Variants in TENM3 observed in about 807,000 individuals in gnomAD.
The protein encoded by TENM3 is teneurin-3.
Under a neutral mutation model 255.1 loss-of-function variants are expected in TENM3, and 63 were observed. The ratio of observed to expected loss-of-function variants is 0.25; its 90% CI spans 0.20 to 0.30. The LOEUF (loss-of-function observed/expected upper bound fraction) is 0.30, where lower values mean the gene tolerates loss of function less well. TENM3 is among the 10% of genes least tolerant of loss of function. The probability of loss-of-function intolerance (pLI) is 1.00; values close to 1 mark genes in which losing one functional copy is unlikely to be tolerated. For missense variants in TENM3, 2,929 were observed against 3,461.1 expected, an observed-to-expected ratio of 0.85 and a Z score of 3.86; for synonymous variants, 1,306 against 1,322.3, an observed-to-expected ratio of 0.99 and a Z score of 0.27.
chr4:182,415,559 T>C (rs1280407686), intron 3 of TENM3, among the ~76,000 whole-genome samples: 3 of 152,096 alleles, frequency 2.0e-5, no homozygotes, highest in African/African-American at 7.2e-5. Context: ...AGAGGGAGAC[T>C]GGGAAGGAAA....
the TENM3 span, among the ~76,000 whole-genome samples, chr4:181,644,565 T>C: frequency 6.6e-6 from 1 of 152,172 alleles, no homozygotes; most frequent in Non-Finnish European, 1.5e-5. Context: ...CAAACTGTCC[T>C]ATTCACACCT....
At chr4:181,949,372 A>T in the TENM3 span, among the ~76,000 whole-genome samples, 1 of 152,226 alleles carries the variant, frequency 6.6e-6, no homozygotes, top group African/African-American at 2.4e-5. Context: ...CTAGGGATGG[A>T]AAGAAAGAAC....
rs574160343 is a variant in TENM3, at chr4:182,766,446, C to T, written c.4893-7026C>T. 2.1e-4 allele frequency among the ~76,000 whole-genome samples: 32 copies of T among 152,238 alleles called. 1 individual carries two copies. Among genetic ancestry groups the T allele is most frequent in the East Asian group, 7.7e-4 (4 of 5,188 alleles). ...TAATGATGGCTAACCCAGAATCCTT[C>T]GAATCCCTAAGGGAACTAATTCTGG... On this transcript the variant is annotated intron_variant, in intron 22 of 27. Transcript: ENST00000511685.
chr4:182,055,405 C>T, the TENM3 span, among the ~76,000 whole-genome samples: 1 of 151,230 alleles, frequency 6.6e-6, no homozygotes, highest in Non-Finnish European at 1.5e-5. Flanking sequence ...ACATGTTCCC[C>T]TCTTGTGATA....
chr4:181,563,975 T>C, the TENM3 span, among the ~76,000 whole-genome samples: 1 of 151,758 alleles, frequency 6.6e-6, no homozygotes, highest in Non-Finnish European at 1.5e-5. Flanking sequence ...GAGAAAATAA[T>C]TGTAACTTCT....
chr4:181,500,533 G>A, the TENM3 span, among the ~76,000 whole-genome samples: 215 of 152,260 alleles, frequency 1.4e-3, no homozygotes, highest in Non-Finnish European at 1.9e-3. Context: ...TCATACAATT[G>A]AGATGCTTAC....
intron 16 of TENM3, among the ~76,000 whole-genome samples, 191 bp from the exon 17 acceptor site, chr4:182,736,617 T>C (rs1022735577): frequency 6.6e-6 from 1 of 152,256 alleles, no homozygotes; most frequent in Non-Finnish European, 1.5e-5. Context: ...TATTTGTGAA[T>C]AGTGATTCTT....
chr4:182,630,962 G>A (rs72703913), intron 5 of TENM3, among the ~76,000 whole-genome samples: 105 of 152,106 alleles, frequency 6.9e-4, no homozygotes, highest in Non-Finnish European at 1.3e-3. Flanking sequence ...GGAAAAAATA[G>A]CATTTTAATG....
the TENM3 span, among the ~76,000 whole-genome samples, chr4:182,115,710 C>A: frequency 6.6e-6 from 1 of 152,188 alleles, no homozygotes; most frequent in African/African-American, 2.4e-5. Context: ...CACTGCTTGG[C>A]AGCAATGGTT....
At chr4:181,551,995 C>T in the TENM3 span, among the ~76,000 whole-genome samples, 3 of 150,456 alleles carry the variant, frequency 2.0e-5, no homozygotes, top group Non-Finnish European at 4.4e-5. Context: ...AAGATTAGGC[C>T]GTAAGTTATT....
chr4:181,973,556 GCC>G, the TENM3 span, among the ~76,000 whole-genome samples: 2 of 152,066 alleles, frequency 1.3e-5, no homozygotes, highest in Non-Finnish European at 2.9e-5. Flanking sequence ...TTTGAGACTA[GCC>G]TGGGAAACAT....
intron 22 of TENM3, among the ~76,000 whole-genome samples, chr4:182,773,235 T>A (rs1416128231): frequency 6.6e-6 from 1 of 152,240 alleles, no homozygotes; most frequent in Non-Finnish European, 1.5e-5. Flanking sequence ...CAAAGAATCA[T>A]GTGCTGAGAT....
intron 3 of TENM3, among the ~76,000 whole-genome samples, chr4:182,553,724 AG>A (rs1411416093): frequency 6.6e-6 from 1 of 152,234 alleles, no homozygotes; most frequent in East Asian, 1.9e-4. Context: ...TAGCGTTTAC[AG>A]CACTTTTTCA....
intron 3 of TENM3, among the ~76,000 whole-genome samples, chr4:182,566,871 G>A (rs1049066155): frequency 2.6e-5 from 4 of 151,972 alleles, no homozygotes; most frequent in Non-Finnish European, 2.9e-5. Context: ...CTTTTCTATA[G>A]TATTTCACTA....
At chr4:182,628,545 A>AAG (rs994375240) in intron 4 of TENM3, 106 bp from the exon 5 acceptor site, 20 of 703,810 alleles carry the variant, frequency 2.8e-5, no homozygotes, top group Non-Finnish European at 3.9e-5. Flanking sequence ...TCTTTTAAAA[A>AAG]AGAGAGAGAG....
chr4:181,790,599 T>C, the TENM3 span, among the ~76,000 whole-genome samples: 1 of 151,922 alleles, frequency 6.6e-6, no homozygotes, highest in South Asian at 2.1e-4. Context: ...AAACAAAAAA[T>C]AAAGTGAAGA....
chr4:182,195,101 C>A (rs1331638501), intron 1 of TENM3, among the ~76,000 whole-genome samples: 3 of 151,424 alleles, frequency 2.0e-5, no homozygotes, highest in Admixed American at 1.3e-4. Context: ...TATAATAGTT[C>A]TATTCAAGCA....
rs116363481 is a variant in TENM3 at position 182,711,458 on chromosome 4, G to A, written c.2222-2629G>A. The A allele has an allele frequency of 5.7e-3, 1,164 of 202,558 alleles. 17 individuals are homozygous for A. Among genetic ancestry groups the A allele is most frequent in the African/African-American group, 0.025 (1,069 of 42,514 alleles). 12.5% of individuals were successfully genotyped at this position (202,558 alleles called of 1,614,324 possible). On this transcript the variant is annotated intron_variant, in intron 12 of 27. Coordinates refer to ENST00000511685, the MANE Select transcript of TENM3 (RefSeq NM_001080477.4). ...ACGAAGTGCATCTCTGTCATGTGAT[G>A]TGAGTCTTATGTCAGCTGAAGCTAC... is the stretch of plus-strand genomic sequence containing the variant.
At chr4:182,592,614 A>G (rs1052533860) in intron 3 of TENM3, among the ~76,000 whole-genome samples, 3 of 152,152 alleles carry the variant, frequency 2.0e-5, no homozygotes, top group African/African-American at 7.2e-5. Flanking sequence ...AATCTCAACT[A>G]CTTGGGAGGC....
Sources: allele counts gnomAD v4.1 joint callset (sites outside exome capture counted in the v4.1 genomes callset), GRCh38; gene constraint gnomAD v4.1.1; transcripts MANE v1.5; gene names NCBI Gene and HGNC (gene_info 2026-07-23, HGNC 2026-07-21).